TET2: variants seen among roughly 807,000 people sequenced by gnomAD.
TET2 encodes methylcytosine dioxygenase TET2.
TET2 carries 299 observed loss-of-function variants against 142.9 expected under a neutral mutation model. That is an observed-to-expected ratio of 2.09 (90% CI 1.90 to 2.30). TET2 has a LOEUF of 2.30. TET2 is among the 30% of genes most tolerant of loss of function. TET2 has a pLI of 0.00. For synonymous variants in TET2, 819 were observed against 849.0 expected (o/e 0.96, Z 0.61); for missense variants, 2,418 against 2,378.0 (o/e 1.02, Z -0.35).
intron 1 of TET2, among the ~76,000 whole-genome samples, chr4:105,169,075 A>G (rs1452674856): frequency 6.6e-6 from 1 of 152,098 alleles, no homozygotes; most frequent in Admixed American, 6.6e-5. Context: ...TCATATAATG[A>G]CTTTTTTCCT....
Position 105,276,045 on chromosome 4 carries a change from G to A in TET2, c.5535G>A (p.Glu1845=), listed in dbSNP as rs1457792385. The change falls in exon 11 of 11, where the codon GAG becomes GAA. Residue 1845 remains glutamate (E), a synonymous_variant. Transcript: ENST00000380013. ...CTTCTGGTGCAGAGGACAACGATGAGGTCTGGTCAGACAGCGAGCAGAGCT... is the reference window on the plus strand; with the variant it reads ...CTTCTGGTGCAGAGGACAACGATGAAGTCTGGTCAGACAGCGAGCAGAGCT... ...GVASGAEDND[E]VWSDSEQSFL... The A allele has an allele frequency of 4.5e-6, 7 of 1,551,694 alleles. No individual in the cohort carries two copies. Among genetic ancestry groups the A allele is most frequent in the Non-Finnish European group, 5.2e-6 (6 of 1,146,982 alleles).
At chr4:105,164,549 G>C (rs1724053019) in intron 1 of TET2, among the ~76,000 whole-genome samples, 2 of 152,218 alleles carry the variant, frequency 1.3e-5, no homozygotes, top group South Asian at 4.1e-4. Flanking sequence ...GGCAAGAAGA[G>C]AGCCATCATC....
intron 1 of TET2, among the ~76,000 whole-genome samples, chr4:105,173,611 A>C (rs182562879): frequency 6.6e-6 from 1 of 152,298 alleles, no homozygotes; most frequent in East Asian, 1.9e-4. Flanking sequence ...GGAAATAAAG[A>C]AATTCTAGTT....
chr4:105,190,539 C>T (rs1249598851), intron 2 of TET2, 34 bp downstream of exon 2: 3 of 696,630 alleles, frequency 4.3e-6, no homozygotes, highest in Non-Finnish European at 5.2e-6. Context: ...ACTTGTTTGT[C>T]AAGTATGAAT....
rs1345790919 is a variant in TET2, at chr4:105,234,179, A to G, written c.237A>G (p.Thr79=). The change falls in exon 3 of 11, where the codon ACA becomes ACG. Residue 79 remains threonine, a synonymous_variant. Coordinates refer to ENST00000380013, the MANE Select transcript of TET2 (RefSeq NM_001127208.3). ...ATAGTCGTGTGAGTCCTGACTTTAC[A>G]CAAGAAAGTAGAGGGTATTCCAAGT... is the stretch of plus-strand genomic sequence containing the variant. ...SQNSRVSPDF[T]QESRGYSKCL... 6.2e-7 allele frequency: 1 copy of G among 1,614,068 alleles called. No homozygotes were observed. The highest frequency in any genetic ancestry group is 8.5e-7 in the Non-Finnish European group (1 of 1,180,034).
intron 3 of TET2, chr4:105,240,871 A>C: frequency 9.3e-7 from 1 of 1,079,886 alleles, no homozygotes; most frequent in Non-Finnish European, 1.1e-6. Flanking sequence ...TAGGAAGAAA[A>C]AGGGGTATCC....
chr4:105,237,515 T>C, intron 3 of TET2, 164 bp downstream of exon 3: 2 of 1,587,080 alleles, frequency 1.3e-6, no homozygotes, highest in Non-Finnish European at 8.5e-7. Flanking sequence ...TTACCGATGC[T>C]TGTGTCTTGT....
At chr4:105,209,055 A>G (rs1196311673) in intron 2 of TET2, among the ~76,000 whole-genome samples, 13 of 57,062 alleles carry the variant, frequency 2.3e-4, no homozygotes, top group East Asian at 1.8e-3. Context: ...CATGGTATAT[A>G]TATATATATA....
intron 2 of TET2, among the ~76,000 whole-genome samples, chr4:105,195,702 C>CA (rs1359537782): frequency 6.6e-6 from 1 of 152,088 alleles, no homozygotes; most frequent in Non-Finnish European, 1.5e-5. Flanking sequence ...TCATTACAAA[C>CA]ACAGCAATCC....
chr4:105,154,596 C>G (rs1040499896), intron 1 of TET2, among the ~76,000 whole-genome samples: 4 of 152,132 alleles, frequency 2.6e-5, no homozygotes, highest in African/African-American at 9.7e-5. Flanking sequence ...GCCTTTAGAG[C>G]TCATATGGGA....
chr4:105,236,206 A>T lies in TET2; in HGVS notation c.2264A>T (p.Glu755Val), dbSNP rs891531256. The T allele has an allele frequency of 1.9e-6, 3 of 1,614,004 alleles. No homozygotes were observed. Among genetic ancestry groups the T allele is most frequent in the Middle Eastern group, 1.6e-4 (1 of 6,084 alleles). The stretch of plus-strand genomic sequence containing the variant: ...AAATTACAAATAAAGAATAAAGAGG[A>T]AATACTCCAGACTTTTCCTCACCCC... Reference protein sequence around the residue: ...QQKLQIKNKEEILQTFPHPQS... With the variant: ...QQKLQIKNKEVILQTFPHPQS... Residue 755 changes from glutamate (E) to valine (V), a missense_variant, in exon 3 of 11, where the codon GAA becomes GTA. By Grantham distance (121) the Glu-to-Val change is moderately radical. Transcript: ENST00000380013.
intron 6 of TET2, among the ~76,000 whole-genome samples, chr4:105,246,440 G>A (rs1729586393): frequency 6.6e-6 from 1 of 152,152 alleles, no homozygotes; most frequent in African/African-American, 2.4e-5. Context: ...CAATTTAAAA[G>A]CACAGCTGTA....
At chr4:105,202,975 A>G (rs10027791) in intron 2 of TET2, among the ~76,000 whole-genome samples, 13,509 of 152,266 alleles carry the variant, frequency 0.089, 1,690 homozygotes, top group African/African-American at 0.28. Flanking sequence ...TGGATACCTG[A>G]CCAAATATTT....
chr4:105,234,125 T>G lies in TET2; in HGVS notation c.183T>G (p.Tyr61Ter). ...AGTGGCACTCTTTCAAAAGTTATTATGGAATACCCTGTATGAAGGGAAGCC... is the reference window on the plus strand; with the variant it reads ...AGTGGCACTCTTTCAAAAGTTATTAGGGAATACCCTGTATGAAGGGAAGCC... Reference protein sequence around the residue: ...DTKWHSFKSYYGIPCMKGSQN... With the variant: ...DTKWHSFKSY Residue 61 changes from tyrosine (Y) to a stop codon, truncating the protein, a stop_gained, in exon 3 of 11, where the codon TAT becomes TAG. Transcript: ENST00000380013. LOFTEE classifies it high-confidence loss of function. 1 of 1,614,148 alleles carries G rather than the reference T, an allele frequency of 6.2e-7. No homozygotes were observed. Among genetic ancestry groups the G allele is most frequent in the Non-Finnish European group, 8.5e-7 (1 of 1,180,010 alleles).
rs1730862341 is a variant in TET2, at chr4:105,269,749, T to A, written c.4182+2T>A. ...AACATGCAGAATGGCAGCACATTGG[T>A]AAGTTGGGCTGAGGACAGCTTAGCA... On this transcript the variant is annotated splice_donor_variant, in intron 9 of 10. Coordinates refer to ENST00000380013, the MANE Select transcript of TET2 (RefSeq NM_001127208.3). LOFTEE classifies it high-confidence loss of function. 6.4e-7 allele frequency: 1 copy of A among 1,551,424 alleles called. No homozygotes were observed. The highest frequency in any genetic ancestry group is 8.7e-7 in the Non-Finnish European group (1 of 1,146,874).
At position 105,277,566 on chromosome 4, in the gene TET2, C is replaced by G. The variant is rs1731280475; in HGVS notation, c.*1047C>G. Reference sequence around the variant, plus strand: ...TAAAATATTTTTGCTTTTAGCCATGCATCTGCTGATGAGCAATTGTGTCCA... The same window carrying G: ...TAAAATATTTTTGCTTTTAGCCATGGATCTGCTGATGAGCAATTGTGTCCA... On this transcript the variant is annotated 3_prime_UTR_variant, in exon 11 of 11. Transcript: ENST00000380013. The G allele has an allele frequency of 4.4e-6, 1 of 227,682 alleles. No homozygotes were observed. The highest frequency in any genetic ancestry group is 2.2e-5 in the African/African-American group (1 of 45,070). 14.1% of individuals were successfully genotyped at this position (227,682 alleles called of 1,614,324 possible).
At position 105,235,703 on chromosome 4, in the gene TET2, A is replaced by C; in HGVS notation, c.1761A>C (p.Pro587=). ...TAAAACGTAATGAGGCATCACTGCC[A>C]TCAATTCTTCAGTATCAACCCAATC... ...SHLKRNEASL[P]SILQYQPNLS... is the part of the protein sequence containing the mutation. The change falls in exon 3 of 11, where the codon CCA becomes CCC. Residue 587 remains proline (P), a synonymous_variant. Coordinates refer to ENST00000380013, the MANE Select transcript of TET2 (RefSeq NM_001127208.3). 1.2e-6 allele frequency: 2 copies of C among 1,614,200 alleles called. No individual in the cohort carries two copies. The highest frequency in any genetic ancestry group is 1.7e-6 in the Non-Finnish European group (2 of 1,180,018).
chr4:105,241,399 T>C lies in TET2; in HGVS notation c.3470T>C (p.Val1157Ala). The change falls in exon 4 of 11, where the codon GTG (valine) becomes GCG (alanine). Residue 1157 changes from valine (V) to alanine (A), a missense_variant. Physicochemically the swap from Val to Ala is moderately conservative, Grantham distance 64. Coordinates refer to ENST00000380013, the MANE Select transcript of TET2 (RefSeq NM_001127208.3). ...FYTHLGAGPNVAAIREIMEER... is the reference protein window; with the variant it reads ...FYTHLGAGPNAAAIREIMEER... ...ACCCATCTAGGAGCAGGTCCTAATG[T>C]GGCAGCTATTAGAGAAATCATGGAA... 6.4e-7 allele frequency: 1 copy of C among 1,550,606 alleles called. No individual in the cohort carries two copies. Among genetic ancestry groups the C allele is most frequent in the Non-Finnish European group, 8.7e-7 (1 of 1,146,644 alleles).
At chr4:105,182,824 T>C (rs1287799116) in intron 1 of TET2, among the ~76,000 whole-genome samples, 6 of 152,184 alleles carry the variant, frequency 3.9e-5, no homozygotes, top group Non-Finnish European at 2.9e-5. Context: ...ATTTTTATAA[T>C]TGATCCTTTG....
Sources: allele counts gnomAD v4.1 joint callset (sites outside exome capture counted in the v4.1 genomes callset), GRCh38; gene constraint gnomAD v4.1.1; transcripts MANE v1.5; gene names NCBI Gene and HGNC (gene_info 2026-07-23, HGNC 2026-07-21).